The following ATRNL1 variants were observed in gnomAD, a reference collection of about 807,000 sequenced individuals.
ATRNL1 encodes attractin like 1, also known as attractin-like protein 1.
In ATRNL1, 95 loss-of-function variants were observed where a neutral mutation model predicts 182.7. That is an observed-to-expected ratio of 0.52 (90% CI 0.44 to 0.62). ATRNL1 has a LOEUF of 0.62. Among genes scored for constraint, ATRNL1 ranks in the 20% least tolerant of loss-of-function variants. The pLI is 0.00. For missense variants in ATRNL1, 1,471 were observed against 1,679.5 expected (o/e 0.88, Z 2.17); for synonymous variants, 576 against 568.3 (o/e 1.01, Z -0.19).
rs367975011 is a variant in ATRNL1, at chr10:115,472,250, C to G, written c.3654+2921C>G. ...CTTCCTGTTTTGATTACTATAGATT[C>G]ATAATATAGTTTGAAATCAGTAAGT... On this transcript the variant is annotated intron_variant, in intron 24 of 28. Transcript: ENST00000355044. Among the ~76,000 whole-genome samples, 38 of 151,052 alleles carry G rather than the reference C, an allele frequency of 2.5e-4. 1 individual carries two copies. In the South Asian group the frequency reaches 7.7e-3, roughly 31 times the overall value.
chr10:115,137,874 G>C (rs112822973), intron 5 of ATRNL1, among the ~76,000 whole-genome samples: 43,822 of 152,034 alleles, frequency 0.29, 8,169 homozygotes, highest in Non-Finnish European at 0.41. Context: ...TAACTCTAAA[G>C]TCCTAAGTCT....
chr10:115,566,867 G>C (rs1441687919), intron 26 of ATRNL1, among the ~76,000 whole-genome samples: 1 of 148,880 alleles, frequency 6.7e-6, no homozygotes, highest in East Asian at 1.9e-4. Context: ...ATTCTGCCCA[G>C]GGGCTTTCAC....
intron 26 of ATRNL1, among the ~76,000 whole-genome samples, chr10:115,681,399 G>A (rs1038786247): frequency 2.6e-5 from 4 of 151,998 alleles, no homozygotes; most frequent in Admixed American, 1.3e-4. Flanking sequence ...AATCCAGTGA[G>A]GCAGTAAAAT....
chr10:115,755,158 TG>T (rs1434917377), intron 27 of ATRNL1, among the ~76,000 whole-genome samples: 1 of 152,180 alleles, frequency 6.6e-6, no homozygotes, highest in African/African-American at 2.4e-5. Context: ...GAATACCCTT[TG>T]TTTCTTTCTC....
chr10:115,724,323 C>CA (rs1427195984), intron 26 of ATRNL1, among the ~76,000 whole-genome samples: 2 of 149,588 alleles, frequency 1.3e-5, no homozygotes, highest in Non-Finnish European at 3.0e-5. Context: ...ATTTGCAAAA[C>CA]ATTTGTTAAA....
intron 28 of ATRNL1, among the ~76,000 whole-genome samples, chr10:115,884,664 C>CA (rs1382878902): frequency 2.0e-5 from 3 of 152,086 alleles, no homozygotes; most frequent in Admixed American, 6.6e-5. Context: ...TATTTAAATG[C>CA]AAAAAAACTG....
chr10:115,161,628 T>C (rs1846788630), intron 6 of ATRNL1, among the ~76,000 whole-genome samples: 1 of 152,028 alleles, frequency 6.6e-6, no homozygotes, highest in African/African-American at 2.4e-5. Context: ...AAATGATGAA[T>C]ATTATTTGCT....
intron 25 of ATRNL1, among the ~76,000 whole-genome samples, chr10:115,521,032 TC>T (rs1374152761): frequency 6.6e-6 from 1 of 152,206 alleles, no homozygotes; most frequent in Non-Finnish European, 1.5e-5. Flanking sequence ...ACTTTGTACT[TC>T]AGAAAACAAA....
At chr10:115,890,788 T>G (rs1209515793) in intron 28 of ATRNL1, among the ~76,000 whole-genome samples, 3 of 152,350 alleles carry the variant, frequency 2.0e-5, no homozygotes, top group African/African-American at 7.2e-5. Context: ...TTTTAGTGTC[T>G]GACACCTTCG....
intron 19 of ATRNL1, among the ~76,000 whole-genome samples, chr10:115,382,145 A>G (rs1278645130): frequency 2.0e-5 from 3 of 152,238 alleles, no homozygotes; most frequent in Admixed American, 2.0e-4. Flanking sequence ...CTCCAACTTT[A>G]TTCTTCTTTT....
intron 1 of ATRNL1, among the ~76,000 whole-genome samples, chr10:115,097,881 G>A (rs370430556): frequency 1.3e-5 from 2 of 152,080 alleles, no homozygotes; most frequent in African/African-American, 4.8e-5. Flanking sequence ...CATAGGTCGC[G>A]CAACTGCACT....
intron 5 of ATRNL1, among the ~76,000 whole-genome samples, chr10:115,137,923 G>C (rs1845588854): frequency 6.6e-6 from 1 of 152,166 alleles, no homozygotes; most frequent in South Asian, 2.1e-4. Context: ...CTGTGAGCCT[G>C]TAAAATCAAA....
chr10:115,527,129 T>TC (rs1565132088), intron 25 of ATRNL1, among the ~76,000 whole-genome samples: 3 of 122,136 alleles, frequency 2.5e-5, no homozygotes, highest in Non-Finnish European at 1.9e-5. Context: ...TTTTTTTTTT[T>TC]TCCCCCCCGA....
At chr10:115,493,667 T>C (rs1163266777) in intron 24 of ATRNL1, among the ~76,000 whole-genome samples, 1 of 152,226 alleles carries the variant, frequency 6.6e-6, no homozygotes. Flanking sequence ...TAGTTCTGTT[T>C]AATGTTCTTT....
chr10:115,928,436 G>A (rs1953299331), intron 28 of ATRNL1, among the ~76,000 whole-genome samples: 1 of 151,932 alleles, frequency 6.6e-6, no homozygotes. Context: ...GACTTCATAA[G>A]CTTTTCCTTA....
chr10:115,222,593 A>T (rs1849510830), intron 9 of ATRNL1, among the ~76,000 whole-genome samples: 1 of 152,012 alleles, frequency 6.6e-6, no homozygotes, highest in Non-Finnish European at 1.5e-5. Flanking sequence ...TTAAAGGAAA[A>T]GCATGAAGAC....
intron 8 of ATRNL1, among the ~76,000 whole-genome samples, chr10:115,207,526 A>G (rs1554894052): frequency 6.6e-6 from 1 of 151,990 alleles, no homozygotes; most frequent in African/African-American, 2.4e-5. Flanking sequence ...CATCTCCTGT[A>G]GGGCAAATCT....
intron 19 of ATRNL1, among the ~76,000 whole-genome samples, chr10:115,394,313 C>A (rs1395117516): frequency 6.6e-6 from 1 of 151,970 alleles, no homozygotes; most frequent in Non-Finnish European, 1.5e-5. Context: ...TGAACCCAAG[C>A]TGTTTGAGTA....
At chr10:115,481,328 T>C (rs1408836140) in intron 24 of ATRNL1, among the ~76,000 whole-genome samples, 5 of 150,828 alleles carry the variant, frequency 3.3e-5, no homozygotes, top group African/African-American at 1.2e-4. Flanking sequence ...AATATCTTTG[T>C]GTGCATTCAT....
Sources: allele counts gnomAD v4.1 joint callset (sites outside exome capture counted in the v4.1 genomes callset), GRCh38; gene constraint gnomAD v4.1.1; transcripts MANE v1.5; gene names NCBI Gene and HGNC (gene_info 2026-07-23, HGNC 2026-07-21).